The following ADAM32 variants were observed in gnomAD, a reference collection of about 807,000 sequenced individuals.
The protein encoded by ADAM32 is ADAM metallopeptidase domain 32, also known as disintegrin and metalloproteinase domain-containing protein 32.
Under a neutral mutation model 114.9 loss-of-function variants are expected in ADAM32, and 89 were observed. The observed-to-expected ratio is 0.77, with a 90% confidence interval of 0.65 to 0.92. The LOEUF (loss-of-function observed/expected upper bound fraction) is 0.92, where lower values mean the gene tolerates loss of function less well. ADAM32 is among the 40% of genes least tolerant of loss of function. ADAM32 has a pLI of 0.00. For synonymous variants in ADAM32, 285 were observed against 307.5 expected, an observed-to-expected ratio of 0.93 and a Z score of 0.77; for missense variants, 870 against 932.8, an observed-to-expected ratio of 0.93 and a Z score of 0.88.
intron 6 of ADAM32, chr8:39,158,097 C>T (rs76160390): frequency 0.24 from 54,792 of 227,676 alleles, 7,504 homozygotes; most frequent in Non-Finnish European, 0.28. Flanking sequence ...CCTGCCCAAA[C>T]GCTTGCTTCA....
chr8:39,200,707 G>T (rs1437443496), intron 11 of ADAM32, among the ~76,000 whole-genome samples: 1 of 152,186 alleles, frequency 6.6e-6, no homozygotes, highest in African/African-American at 2.4e-5. Flanking sequence ...ACATGCCTAT[G>T]TCCTGAATGG....
At chr8:39,262,144 G>C (rs1812071305) in intron 19 of ADAM32, among the ~76,000 whole-genome samples, 1 of 148,702 alleles carries the variant, frequency 6.7e-6, no homozygotes, top group East Asian at 1.9e-4. Flanking sequence ...TTTCTCCTAT[G>C]TTTTCTTCTG....
chr8:39,142,102 G>A (rs544092604), intron 3 of ADAM32, among the ~76,000 whole-genome samples: 1 of 151,824 alleles, frequency 6.6e-6, no homozygotes, highest in Admixed American at 6.6e-5. Flanking sequence ...TAAGTGGCAC[G>A]TGAGATGGAT....
At chr8:39,157,830 G>GCCTC in intron 6 of ADAM32, 8 of 779,938 alleles carry the variant, frequency 1.0e-5, no homozygotes, top group Non-Finnish European at 1.5e-5. Context: ...GTCAGTGGAG[G>GCCTC]CACTGATCAA....
chr8:39,203,657 A>G, intron 11 of ADAM32, among the ~76,000 whole-genome samples: 1 of 152,246 alleles, frequency 6.6e-6, no homozygotes, highest in East Asian at 1.9e-4. Context: ...GTTATGTGTG[A>G]ATTTGATCCT....
chr8:39,176,432 T>G (rs1262369023), intron 10 of ADAM32, among the ~76,000 whole-genome samples: 1 of 152,206 alleles, frequency 6.6e-6, no homozygotes, highest in East Asian at 1.9e-4. Context: ...TCTGGCTTAA[T>G]TTCATTATTT....
At chr8:39,153,383 T>C (rs920578699) in intron 6 of ADAM32, among the ~76,000 whole-genome samples, 12 of 152,328 alleles carry the variant, frequency 7.9e-5, no homozygotes, top group African/African-American at 2.6e-4. Context: ...AGTATATTTT[T>C]GTGGGGATGA....
chr8:39,275,234 T>C (rs1812999441), intron 21 of ADAM32, among the ~76,000 whole-genome samples: 1 of 152,244 alleles, frequency 6.6e-6, no homozygotes. Flanking sequence ...TAAGCTGATG[T>C]GGCTTATGAA....
At chr8:39,272,276 A>T in intron 20 of ADAM32, among the ~76,000 whole-genome samples, 1 of 152,184 alleles carries the variant, frequency 6.6e-6, no homozygotes, top group East Asian at 1.9e-4. Flanking sequence ...ATCTAGATTC[A>T]TGACTTCTGT....
chr8:39,121,311 A>C (rs1310590738), intron 2 of ADAM32, among the ~76,000 whole-genome samples: 1 of 152,226 alleles, frequency 6.6e-6, no homozygotes, highest in African/African-American at 2.4e-5. Context: ...GGGATTCTAC[A>C]GGATAGGACG....
At chr8:39,159,399 G>C (rs1804348060) in intron 6 of ADAM32, among the ~76,000 whole-genome samples, 1 of 152,150 alleles carries the variant, frequency 6.6e-6, no homozygotes, top group Admixed American at 6.5e-5. Flanking sequence ...CCTTAGCCTT[G>C]ACTCTTGCTT....
chr8:39,207,532 A>G (rs1366948457), intron 11 of ADAM32, among the ~76,000 whole-genome samples: 1 of 152,220 alleles, frequency 6.6e-6, no homozygotes, highest in African/African-American at 2.4e-5. Context: ...CCATCACTAT[A>G]AACATTTATC....
chr8:39,115,723 G>T (rs897163797), intron 1 of ADAM32, among the ~76,000 whole-genome samples: 1 of 151,900 alleles, frequency 6.6e-6, no homozygotes, highest in Non-Finnish European at 1.5e-5. Context: ...TTCTTTTGCT[G>T]TGCAGAAGCT....
intron 12 of ADAM32, among the ~76,000 whole-genome samples, chr8:39,215,340 C>G (rs958089565): frequency 6.6e-6 from 1 of 151,872 alleles, no homozygotes. Flanking sequence ...TTGGTGTTCT[C>G]AATTTCTTGC....
chr8:39,131,026 G>A (rs762808481), intron 2 of ADAM32, among the ~76,000 whole-genome samples: 79 of 146,086 alleles, frequency 5.4e-4, no homozygotes, highest in Admixed American at 9.2e-4. Context: ...GCGTGATCTC[G>A]GCTCACTGCA....
chr8:39,151,669 T>A, intron 6 of ADAM32, 121 bp downstream of exon 6: 2 of 674,454 alleles, frequency 3.0e-6, no homozygotes, highest in Non-Finnish European at 4.2e-6. Flanking sequence ...CTTGTGAACA[T>A]CTTATCTTTT....
intron 6 of ADAM32, chr8:39,157,501 A>G (rs1046965743): frequency 2.5e-6 from 1 of 399,998 alleles, no homozygotes; most frequent in Non-Finnish European, 4.8e-6. Flanking sequence ...GATAACTTTT[A>G]TTGAGATCCC....
intron 3 of ADAM32, among the ~76,000 whole-genome samples, chr8:39,137,686 G>A (rs1182030702): frequency 5.3e-5 from 8 of 151,330 alleles, no homozygotes; most frequent in Admixed American, 2.6e-4. Context: ...CAGGAGAATC[G>A]CTTGAACCTG....
At chr8:39,124,419 T>TC (rs1801985904) in intron 2 of ADAM32, among the ~76,000 whole-genome samples, 1 of 151,498 alleles carries the variant, frequency 6.6e-6, no homozygotes, top group Non-Finnish European at 1.5e-5. Context: ...TTTTTCTTTT[T>TC]TTTTTTTTTT....
Sources: allele counts gnomAD v4.1 joint callset (sites outside exome capture counted in the v4.1 genomes callset), GRCh38; gene constraint gnomAD v4.1.1; transcripts MANE v1.5; gene names NCBI Gene and HGNC (gene_info 2026-07-23, HGNC 2026-07-21).